Variants in COL4A2 observed in about 807,000 individuals in gnomAD.
The protein encoded by COL4A2 is collagen type IV alpha 2 chain.
In COL4A2, 99 loss-of-function variants were observed where a neutral mutation model predicts 200.2. The ratio of observed to expected loss-of-function variants is 0.49; its 90% confidence interval spans 0.42 to 0.58. The LOEUF (loss-of-function observed/expected upper bound fraction) is 0.58. Ranked by LOEUF, COL4A2 falls within the 20% of genes least tolerant of loss-of-function variation. The pLI, the probability that COL4A2 is intolerant of heterozygous loss-of-function variation, is 0.00. For synonymous variants in COL4A2, 897 were observed against 900.6 expected (o/e 1.00, Z 0.07); for missense variants, 1,950 against 2,314.1 (o/e 0.84, Z 3.23).
At chr13:110,343,492 G>A (rs1040778810) in intron 3 of COL4A2, among the ~76,000 whole-genome samples, 1 of 152,270 alleles carries the variant, frequency 6.6e-6, no homozygotes, top group Non-Finnish European at 1.5e-5. Context: ...ACTTGGCAGC[G>A]TACCTCCAGG....
At chr13:110,365,364 C>T (rs915556012) in intron 4 of COL4A2, among the ~76,000 whole-genome samples, 11 of 152,206 alleles carry the variant, frequency 7.2e-5, no homozygotes, top group African/African-American at 2.7e-4. Context: ...TGGTCTCGAA[C>T]TCCTGACCTC....
At chr13:110,506,257 A>ACTCTCT (rs10558706) in intron 45 of COL4A2, among the ~76,000 whole-genome samples, 158 bp from the exon 46 acceptor site, 1 of 117,440 alleles carries the variant, frequency 8.5e-6, no homozygotes, top group Admixed American at 8.4e-5. Context: ...CAGGCCGTCC[A>ACTCTCT]CTCTCTCTCT....
Position 110,307,649 on chromosome 13 carries a change from G to T in COL4A2, c.-45+121G>T, listed in dbSNP as rs377757224. On this transcript the variant is annotated intron_variant, in intron 1 of 47. Coordinates refer to ENST00000360467, the MANE Select transcript of COL4A2 (RefSeq NM_001846.4). This position sits in a 1 kb window ranked among gnomAD's most constrained non-coding sequence, Gnocchi z 5.0. ...GAGTAGAAAGGGGGAGGGTGGGAGA[G>T]CGAAGACCGAGCTCCTCGGCCAAGG... 14 of 566,164 alleles carry T rather than the reference G, an allele frequency of 2.5e-5. No individual in the cohort carries two copies. The highest frequency in any genetic ancestry group is 3.3e-5 in the Admixed American group (1 of 29,944). The allele number at this position is 566,164 out of a possible 1,614,324, so 35.1% of individuals were successfully genotyped here.
intron 4 of COL4A2, among the ~76,000 whole-genome samples, chr13:110,380,193 C>T (rs1187639881): frequency 6.6e-6 from 1 of 152,204 alleles, no homozygotes; most frequent in Non-Finnish European, 1.5e-5. Context: ...TTGATAACAG[C>T]TTTTTAACCC....
intron 29 of COL4A2, among the ~76,000 whole-genome samples, chr13:110,474,726 CACGT>C (rs1882623184): frequency 7.1e-6 from 1 of 140,864 alleles, no homozygotes; most frequent in Admixed American, 7.0e-5. Flanking sequence ...ATCACACACG[CACGT>C]ACCCACACAC....
At chr13:110,382,149 A>G (rs1878515960) in intron 4 of COL4A2, among the ~76,000 whole-genome samples, 1 of 152,208 alleles carries the variant, frequency 6.6e-6, no homozygotes, top group South Asian at 2.1e-4. Context: ...ATAAATAGAG[A>G]AAAAAACAAT....
intron 4 of COL4A2, among the ~76,000 whole-genome samples, chr13:110,421,617 G>C (rs1340919154): frequency 6.6e-6 from 1 of 152,190 alleles, no homozygotes; most frequent in African/African-American, 2.4e-5. Flanking sequence ...TTGGGGTGAG[G>C]AAAATGTTTG....
intron 17 of COL4A2, among the ~76,000 whole-genome samples, chr13:110,446,526 A>G (rs1881331237): frequency 6.6e-6 from 1 of 152,302 alleles, no homozygotes; most frequent in Middle Eastern, 3.4e-3. Context: ...CAGAAAGCAC[A>G]GTCTCCTGGC....
At chr13:110,444,016 G>A (rs988440072) in intron 16 of COL4A2, among the ~76,000 whole-genome samples, 33 of 152,110 alleles carry the variant, frequency 2.2e-4, no homozygotes, top group Non-Finnish European at 4.0e-4. Flanking sequence ...AGCCTCCCCC[G>A]AGTCAGTTGA....
intron 3 of COL4A2, among the ~76,000 whole-genome samples, chr13:110,317,224 C>G (rs541316868): frequency 6.6e-6 from 1 of 151,414 alleles, no homozygotes; most frequent in East Asian, 2.0e-4. Flanking sequence ...CCCACACACA[C>G]AGACACACAC....
intron 29 of COL4A2, 51 bp downstream of exon 29, chr13:110,473,201 C>A: frequency 2.0e-6 from 3 of 1,519,186 alleles, no homozygotes; most frequent in Non-Finnish European, 2.7e-6. Context: ...GCACAGTGGC[C>A]TCCAAGGGCG....
Position 110,458,940 on chromosome 13 carries a change from G to A in COL4A2, c.1596+6G>A, listed in dbSNP as rs1881901552. 1 of 1,543,180 alleles carries A rather than the reference G, an allele frequency of 6.5e-7. No homozygotes were observed. The highest frequency in any genetic ancestry group is 8.7e-7 in the Non-Finnish European group (1 of 1,147,546). The stretch of plus-strand genomic sequence containing the variant: ...CTGGGTTCCCAGGGCTCAAGGTGAG[G>A]AGCAATTTCATCATGAAGCTGGCAA... On this transcript the variant is annotated splice_donor_region_variant and intron_variant, in intron 22 of 47. Coordinates refer to ENST00000360467, the MANE Select transcript of COL4A2 (RefSeq NM_001846.4).
At chr13:110,338,255 C>T (rs1034892526) in intron 3 of COL4A2, among the ~76,000 whole-genome samples, 3 of 152,142 alleles carry the variant, frequency 2.0e-5, no homozygotes, top group African/African-American at 4.8e-5. Context: ...TGAGCAGTTA[C>T]TGCATATGAA....
intron 4 of COL4A2, among the ~76,000 whole-genome samples, chr13:110,371,523 T>A (rs1394800979): frequency 6.6e-6 from 1 of 152,240 alleles, no homozygotes; most frequent in Admixed American, 6.5e-5. Flanking sequence ...CTTAATCTTA[T>A]CTGAGAACTT....
At chr13:110,409,900 C>T (rs913483720) in intron 4 of COL4A2, among the ~76,000 whole-genome samples, 4 of 152,180 alleles carry the variant, frequency 2.6e-5, no homozygotes, top group East Asian at 1.9e-4. Context: ...ACTGGAGAGA[C>T]GACAGACAAT....
At chr13:110,340,947 T>C (rs914829183) in intron 3 of COL4A2, 4 of 152,278 alleles carry the variant, frequency 2.6e-5, no homozygotes, top group Non-Finnish European at 2.9e-5. Flanking sequence ...GTATTGTCTA[T>C]TAAGGGAAAA....
rs184591226 is a variant in COL4A2 at position 110,374,533 on chromosome 13, C to G, written c.180+16981C>G. ...GGCCACAGTTTTGTGAATTAAATAT[C>G]CATCCTTTTCCCCATCTGTTTGCGT... On this transcript the variant is annotated intron_variant, in intron 4 of 47. Coordinates refer to ENST00000360467, the MANE Select transcript of COL4A2 (RefSeq NM_001846.4). 3.3e-4 allele frequency among the ~76,000 whole-genome samples: 50 copies of G among 152,312 alleles called. 1 individual carries two copies. Among genetic ancestry groups the G allele is most frequent in the Non-Finnish European group, 5.9e-5 (4 of 68,030 alleles).
chr13:110,389,550 G>T (rs559506816), intron 4 of COL4A2, among the ~76,000 whole-genome samples: 1 of 152,358 alleles, frequency 6.6e-6, no homozygotes, highest in African/African-American at 2.4e-5. Context: ...GGCTCAGGGA[G>T]TCCTTCTCAG....
intron 45 of COL4A2, among the ~76,000 whole-genome samples, chr13:110,505,233 C>T (rs951911449): frequency 6.6e-6 from 1 of 152,022 alleles, no homozygotes; most frequent in Non-Finnish European, 1.5e-5. Context: ...GCCAGTAGTC[C>T]CAGCTACTCG....
Sources: gnomAD v4.1 joint callset for allele counts (sites outside exome capture counted in the v4.1 genomes callset) on GRCh38, gnomAD v4.1.1 for gene constraint, Gnocchi (gnomAD v3.1) non-coding constraint, MANE v1.5 for transcripts, NCBI Gene and HGNC (gene_info 2026-07-23, HGNC 2026-07-21) for gene names.